XPO5: variants seen among roughly 807,000 people sequenced by gnomAD.
XPO5 encodes the protein exportin-5.
XPO5 carries 46 observed loss-of-function variants against 160.6 expected under a neutral mutation model. That is an observed-to-expected ratio of 0.29 (90% CI 0.23 to 0.37). The LOEUF is 0.37. XPO5 is among the 10% of genes least tolerant of loss of function. The pLI is 1.00. For missense variants in XPO5, 1,090 were observed against 1,463.9 expected, an observed-to-expected ratio of 0.74 and a Z score of 4.17; for synonymous variants, 537 against 519.3, an observed-to-expected ratio of 1.03 and a Z score of -0.46.
At chr6:43,568,299 T>A (rs1375647794) in intron 6 of XPO5, among the ~76,000 whole-genome samples, 1 of 150,604 alleles carries the variant, frequency 6.6e-6, no homozygotes, top group Non-Finnish European at 1.5e-5. Context: ...TGAGCGAGAC[T>A]CCGTCTCAAA....
intron 3 of XPO5, among the ~76,000 whole-genome samples, chr6:43,571,284 G>A (rs1762993432): frequency 6.6e-6 from 1 of 152,142 alleles, no homozygotes; most frequent in South Asian, 2.1e-4. Context: ...GATTGTTTCA[G>A]TTTGCAGAAG....
intron 20 of XPO5, among the ~76,000 whole-genome samples, chr6:43,535,416 CCA>C (rs1794254846): frequency 6.6e-6 from 1 of 151,906 alleles, no homozygotes; most frequent in Non-Finnish European, 1.5e-5. Context: ...ATGGTAAAAC[CCA>C]GTCTCTACTA....
chr6:43,546,002 C>T (rs951150275), intron 20 of XPO5, among the ~76,000 whole-genome samples: 2 of 151,990 alleles, frequency 1.3e-5, no homozygotes, highest in African/African-American at 4.8e-5. Flanking sequence ...CTTGATTCTG[C>T]CTTTGAAATA....
chr6:43,560,509 A>C (rs1762363282), intron 10 of XPO5, among the ~76,000 whole-genome samples: 1 of 152,216 alleles, frequency 6.6e-6, no homozygotes, highest in Admixed American at 6.5e-5. Flanking sequence ...AATTACCTGG[A>C]ATGTGAGCTG....
chr6:43,530,199 G>T (rs1793876929), intron 23 of XPO5, among the ~76,000 whole-genome samples: 1 of 152,132 alleles, frequency 6.6e-6, no homozygotes, highest in African/African-American at 2.4e-5. Context: ...GGAAGTTGCA[G>T]TAAGACAAGA....
At chr6:43,525,555 G>A in intron 28 of XPO5, 1 of 525,158 alleles carries the variant, frequency 1.9e-6, no homozygotes, top group South Asian at 2.7e-5. Flanking sequence ...TGTATGTGTA[G>A]GATGGAGACA....
chr6:43,541,431 A>T (rs910456359), intron 20 of XPO5, among the ~76,000 whole-genome samples: 2 of 152,240 alleles, frequency 1.3e-5, no homozygotes, highest in East Asian at 3.8e-4. Flanking sequence ...CTAACAAAAA[A>T]CATCCCCACC....
chr6:43,568,137 T>C (rs1762797449), intron 6 of XPO5, among the ~76,000 whole-genome samples: 1 of 151,098 alleles, frequency 6.6e-6, no homozygotes, highest in Non-Finnish European at 1.5e-5. Context: ...TGAAACCCCG[T>C]CTCTACTAAA....
chr6:43,573,960 G>C lies in XPO5; in HGVS notation c.106-359C>G, dbSNP rs561451939. Among the ~76,000 whole-genome samples, 193 of 151,516 alleles carry C rather than the reference G, an allele frequency of 1.3e-3. 7 individuals are homozygous for C. In the South Asian group the frequency reaches 0.039, roughly 31 times the overall value. On this transcript the variant is annotated intron_variant, in intron 1 of 31. Coordinates refer to ENST00000265351, the MANE Select transcript of XPO5 (RefSeq NM_020750.3). Reference sequence around the variant, plus strand: ...TGCCTCAGCCTCCTGAGCCCATGTAGCTGGGACTACAAGTGCACGCCACCA... The same window carrying C: ...TGCCTCAGCCTCCTGAGCCCATGTACCTGGGACTACAAGTGCACGCCACCA...
rs1554132072 is a variant in XPO5, at chr6:43,523,831, AC to A, written c.*36del. On this transcript the variant is annotated 3_prime_UTR_variant, in exon 32 of 32. Coordinates refer to ENST00000265351, the MANE Select transcript of XPO5 (RefSeq NM_020750.3). ...CGGCTACAAAGGGAAAGAAGAGATGACAAGAAAGGCCGAGGAAGGATGCCCA... is the reference window on the plus strand; with the variant it reads ...CGGCTACAAAGGGAAAGAAGAGATGAAAGAAAGGCCGAGGAAGGATGCCCA... 1 of 1,613,796 alleles carries A rather than the reference AC, an allele frequency of 6.2e-7. No homozygotes were observed. Among genetic ancestry groups the A allele is most frequent in the Non-Finnish European group, 8.5e-7 (1 of 1,179,846 alleles).
In XPO5 at chr6:43,568,744, G is replaced by A; in HGVS notation, c.622-7C>T. On this transcript the variant is annotated splice_polypyrimidine_tract_variant and splice_region_variant and intron_variant, in intron 5 of 31. Coordinates refer to ENST00000265351, the MANE Select transcript of XPO5 (RefSeq NM_020750.3). The stretch of plus-strand genomic sequence containing the variant: ...CCTGAGAAGTATCTGTCTTCTGAAA[G>A]GAAGTATAAAGATCCAGTGTTTTTA... The A allele has an allele frequency of 2.5e-6, 4 of 1,573,170 alleles. No homozygotes were observed. Among genetic ancestry groups the A allele is most frequent in the Non-Finnish European group, 3.5e-6 (4 of 1,157,168 alleles).
chr6:43,541,005 AAGAC>A (rs1794662971), intron 20 of XPO5, among the ~76,000 whole-genome samples: 1 of 152,194 alleles, frequency 6.6e-6, no homozygotes, highest in African/African-American at 2.4e-5. Context: ...CAGGCACAGA[AAGAC>A]ACATCACATG....
At chr6:43,558,062 T>C (rs1450671325) in intron 12 of XPO5, among the ~76,000 whole-genome samples, 1 of 149,306 alleles carries the variant, frequency 6.7e-6, no homozygotes, top group Non-Finnish European at 1.5e-5. Context: ...GCCATTGCAC[T>C]CCAGCCTGGG....
intron 20 of XPO5, among the ~76,000 whole-genome samples, chr6:43,537,124 A>G (rs115875535): frequency 0.012 from 1,724 of 148,128 alleles, 35 homozygotes; most frequent in African/African-American, 0.04. Context: ...GCACCACCAC[A>G]CGTGAATAAT....
chr6:43,572,296 C>G (rs959469642), intron 3 of XPO5, among the ~76,000 whole-genome samples: 2 of 152,182 alleles, frequency 1.3e-5, no homozygotes, highest in Admixed American at 6.5e-5. Flanking sequence ...AAGCTGCTCT[C>G]GAATTCTTAG....
intron 17 of XPO5, among the ~76,000 whole-genome samples, chr6:43,549,052 C>A (rs144654602): frequency 1.3e-5 from 2 of 152,108 alleles, no homozygotes; most frequent in Admixed American, 1.3e-4. Context: ...TAAGAAAACA[C>A]CAATTCAAGA....
rs1763281938 is a variant in XPO5, at chr6:43,575,691, G to A, written c.105+69C>T. 17 of 1,423,184 alleles carry A rather than the reference G, an allele frequency of 1.2e-5. No homozygotes were observed. The Admixed American group carries it at 1.3e-4, about 11-fold the overall frequency. The allele number at this position is 1,423,184 out of a possible 1,614,324, so 88.2% of individuals were successfully genotyped here. On this transcript the variant is annotated intron_variant, in intron 1 of 31. Transcript: ENST00000265351. ...GGGCGGGAGACTACCCCAGTTACAG[G>A]CGGCGCCGGAGCTGCTGGGGCTGGG...
Position 43,525,916 on chromosome 6 carries a change from C to A in XPO5, c.2989G>T (p.Glu997Ter). 6.2e-7 allele frequency: 1 copy of A among 1,613,970 alleles called. No individual in the cohort carries two copies. The highest frequency in any genetic ancestry group is 8.5e-7 in the Non-Finnish European group (1 of 1,179,870). ...SAPPADGDDEEMMATEVTPSA... is the reference protein window; with the variant it reads ...SAPPADGDDE ...GGGGTGACCTCTGTGGCCATCATTT[C>A]TTCATCTGTTATCAGAGAGTAGAAT... The change falls in exon 28 of 32, where the codon GAA (glutamate) becomes TAA (stop). Residue 997 changes from glutamate (E) to a stop codon, truncating the protein, a stop_gained. Coordinates refer to ENST00000265351, the MANE Select transcript of XPO5 (RefSeq NM_020750.3). LOFTEE classifies it high-confidence loss of function.
Position 43,528,816 on chromosome 6 carries a change from C to CTTA in XPO5, c.2775+9_2775+11dup. ...AGTACTCTTTGCTTCCTGTTCCTGA[C>CTTA]TTATCTCTTACCATATGGAGGTAGG... On this transcript the variant is annotated intron_variant, in intron 24 of 31. Transcript: ENST00000265351. 1 of 1,612,538 alleles carries CTTA rather than the reference C, an allele frequency of 6.2e-7. No homozygotes were observed. Among genetic ancestry groups the CTTA allele is most frequent in the Non-Finnish European group, 8.5e-7 (1 of 1,178,958 alleles).
Sources: allele counts gnomAD v4.1 joint callset (sites outside exome capture counted in the v4.1 genomes callset), GRCh38; gene constraint gnomAD v4.1.1; transcripts MANE v1.5; gene names NCBI Gene and HGNC (gene_info 2026-07-23, HGNC 2026-07-21).